The following CTXND1 variants were observed in gnomAD, a reference collection of about 807,000 sequenced individuals.
CTXND1 encodes cortexin domain containing 1.
chr15:80,208,056 G>T (rs1370557054), intron 1 of CTXND1, among the ~76,000 whole-genome samples: 1 of 152,224 alleles, frequency 6.6e-6, no homozygotes, highest in African/African-American at 2.4e-5. Flanking sequence ...CAACTATGAG[G>T]CCAGGCTTGA....
At chr15:80,204,442 TC>T (rs1320340001) in intron 1 of CTXND1, among the ~76,000 whole-genome samples, 15 of 150,610 alleles carry the variant, frequency 1.0e-4, no homozygotes, top group Admixed American at 2.0e-4. Context: ...AACTCCCCAT[TC>T]CCCTTCCCCC....
chr15:80,238,460 C>T (rs568155931), intron 1 of CTXND1, among the ~76,000 whole-genome samples: 8 of 150,782 alleles, frequency 5.3e-5, no homozygotes, highest in South Asian at 2.1e-4. Flanking sequence ...TAAGAAGCAG[C>T]GGGCAGACTT....
chr15:80,232,758 A>G (rs1291436696), intron 1 of CTXND1, among the ~76,000 whole-genome samples: 2 of 152,162 alleles, frequency 1.3e-5, no homozygotes, highest in Admixed American at 1.3e-4. Flanking sequence ...TCAGGTGCTC[A>G]TGCCTTTGCA....
chr15:80,218,690 G>C (rs1243913602), intron 1 of CTXND1, among the ~76,000 whole-genome samples: 1 of 151,792 alleles, frequency 6.6e-6, no homozygotes, highest in East Asian at 1.9e-4. Flanking sequence ...GAGAGTGTCT[G>C]TATATCTACT....
chr15:80,200,301 T>C lies in CTXND1; in HGVS notation c.*1469A>G, dbSNP rs912147206. The C allele has an allele frequency of 2.6e-5, 4 of 152,166 alleles. No homozygotes were observed. The highest frequency in any genetic ancestry group is 9.7e-5 in the African/African-American group (4 of 41,414). The allele number at this position is 152,166 out of a possible 1,614,324, so 9.4% of individuals were successfully genotyped here. On this transcript the variant is annotated 3_prime_UTR_variant, in exon 3 of 3. Transcript: ENST00000560778. ...TCTCATTTCGTCCTCACAACAACCTTGCGAGGTAGATGTTATTCCCTCACT... is the reference window on the plus strand; with the variant it reads ...TCTCATTTCGTCCTCACAACAACCTCGCGAGGTAGATGTTATTCCCTCACT...
intron 1 of CTXND1, among the ~76,000 whole-genome samples, chr15:80,249,845 T>C (rs1252925126): frequency 6.6e-6 from 1 of 152,254 alleles, no homozygotes; most frequent in Non-Finnish European, 1.5e-5. Flanking sequence ...TTCTAAATGT[T>C]GTCACTTTTA....
At chr15:80,223,430 C>A (rs1893339909) in intron 1 of CTXND1, among the ~76,000 whole-genome samples, 1 of 152,200 alleles carries the variant, frequency 6.6e-6, no homozygotes, top group Non-Finnish European at 1.5e-5. Context: ...GTATGAAATG[C>A]ACGATATCAC....
chr15:80,250,508 C>G (rs983358421), intron 1 of CTXND1, among the ~76,000 whole-genome samples: 1 of 152,092 alleles, frequency 6.6e-6, no homozygotes, highest in Non-Finnish European at 1.5e-5. Flanking sequence ...TACTTGCATG[C>G]CGTTCAAAAA....
At chr15:80,244,632 C>A (rs1893608212) in intron 1 of CTXND1, among the ~76,000 whole-genome samples, 1 of 152,204 alleles carries the variant, frequency 6.6e-6, no homozygotes, top group Non-Finnish European at 1.5e-5. Context: ...TTGTATAGTT[C>A]TGGCTGCAAG....
In CTXND1 at chr15:80,197,351, T is replaced by C. The variant is rs1382314224; in HGVS notation, c.*4419A>G. On this transcript the variant is annotated 3_prime_UTR_variant, in exon 3 of 3. Coordinates refer to ENST00000560778, the MANE Select transcript of CTXND1 (RefSeq NM_001352888.2). ...TCCCAAAGTGCTGAGATTACAGACA[T>C]GAGCTACCTTGCCTTGTCATCCCTG... is the stretch of plus-strand genomic sequence containing the variant. 1 of 152,186 alleles carries C rather than the reference T, an allele frequency of 6.6e-6. No homozygotes were observed. The highest frequency in any genetic ancestry group is 1.9e-4 in the East Asian group (1 of 5,192). The allele number at this position is 152,186 out of a possible 1,614,324, so 9.4% of individuals were successfully genotyped here. A position where few individuals can be genotyped will look rare whatever the true frequency, so the allele number is the denominator to read the frequency against.
At chr15:80,223,850 T>C (rs1162823685) in intron 1 of CTXND1, among the ~76,000 whole-genome samples, 1 of 151,350 alleles carries the variant, frequency 6.6e-6, no homozygotes, top group Non-Finnish European at 1.5e-5. Context: ...AAAGCAACCA[T>C]ATGTGAGGGT....
rs2041422852 is a variant in CTXND1 at position 80,196,858 on chromosome 15, A to AGGTATTTATTCC, written c.*4900_*4911dup. 1 of 152,226 alleles carries AGGTATTTATTCC rather than the reference A, an allele frequency of 6.6e-6. No individual in the cohort carries two copies. Among genetic ancestry groups the AGGTATTTATTCC allele is most frequent in the African/African-American group, 2.4e-5 (1 of 41,420 alleles). 9.4% of individuals were successfully genotyped at this position (152,226 alleles called of 1,614,324 possible). A position where few individuals can be genotyped will look rare whatever the true frequency, so the allele number is the denominator to read the frequency against. On this transcript the variant is annotated 3_prime_UTR_variant, in exon 3 of 3. Transcript: ENST00000560778. ...TTGGAGGGCAGGAGGCAAGAGGTCA[A>AGGTATTTATTCC]GGTATTTATTCCCCCAGCTCTCTTC...
intron 1 of CTXND1, among the ~76,000 whole-genome samples, chr15:80,219,112 T>TG (rs1893285354): frequency 6.6e-6 from 1 of 151,282 alleles, no homozygotes; most frequent in Non-Finnish European, 1.5e-5. Flanking sequence ...TTTTTTTTTT[T>TG]TGTATTTTTT....
chr15:80,202,132 T>C, intron 2 of CTXND1, 118 bp from the exon 3 acceptor site: 1 of 390,744 alleles, frequency 2.6e-6, no homozygotes, highest in Non-Finnish European at 4.5e-6. Context: ...AGCTTGCTGC[T>C]CAGACCACCC....
intron 2 of CTXND1, 72 bp from the exon 3 acceptor site, chr15:80,202,086 C>A: frequency 5.0e-6 from 2 of 397,044 alleles, no homozygotes; most frequent in Non-Finnish European, 8.9e-6. Context: ...AGGGCACCAA[C>A]CTCTGCTCCC....
At chr15:80,251,896 C>T (rs996523169) in intron 1 of CTXND1, 111 bp downstream of exon 1, 1 of 151,992 alleles carries the variant, frequency 6.6e-6, no homozygotes, top group Admixed American at 6.6e-5. Context: ...CGAGCAGATC[C>T]TCCGCCTGCG....
intron 1 of CTXND1, among the ~76,000 whole-genome samples, chr15:80,251,267 T>C (rs1419070948): frequency 6.6e-6 from 1 of 152,162 alleles, no homozygotes; most frequent in East Asian, 1.9e-4. Context: ...CAAATTCGGC[T>C]CCATAATACA....
chr15:80,234,204 G>A (rs981025585), intron 1 of CTXND1, among the ~76,000 whole-genome samples: 1 of 152,156 alleles, frequency 6.6e-6, no homozygotes, highest in African/African-American at 2.4e-5. Context: ...ACTTATTGGG[G>A]GAAGGCTTTG....
intron 1 of CTXND1, among the ~76,000 whole-genome samples, chr15:80,211,587 T>C (rs1286385437): frequency 6.6e-6 from 1 of 152,068 alleles, no homozygotes; most frequent in Non-Finnish European, 1.5e-5. Context: ...ATTAAAACGA[T>C]GACAATCAGC....
Sources: allele counts gnomAD v4.1 joint callset (sites outside exome capture counted in the v4.1 genomes callset), GRCh38; gene constraint gnomAD v4.1.1; transcripts MANE v1.5; gene names NCBI Gene and HGNC (gene_info 2026-07-23, HGNC 2026-07-21).